Variants in KIF18A observed in about 807,000 individuals in gnomAD.
KIF18A encodes kinesin family member 18A.
A neutral mutation model predicts 103.3 loss-of-function variants in KIF18A; 67 were observed. The observed-to-expected ratio is 0.65, with a 90% CI of 0.53 to 0.79. The LOEUF (loss-of-function observed/expected upper bound fraction) is 0.79, where lower values mean the gene tolerates loss of function less well. KIF18A is among the 30% of genes least tolerant of loss of function. The pLI, the probability that KIF18A is intolerant of heterozygous loss-of-function variation, is 0.00. For synonymous variants in KIF18A, 367 were observed against 355.5 expected (o/e 1.03, Z -0.36); for missense variants, 1,032 against 1,062.5 (o/e 0.97, Z 0.40).
intron 13 of KIF18A, among the ~76,000 whole-genome samples, chr11:28,036,900 A>T (rs889881472): frequency 6.6e-6 from 1 of 151,598 alleles, no homozygotes; most frequent in Non-Finnish European, 1.5e-5. Flanking sequence ...TAATATCAAT[A>T]TTAATTTATA....
At chr11:28,057,478 G>A (rs1176620464) in intron 13 of KIF18A, among the ~76,000 whole-genome samples, 1 of 152,064 alleles carries the variant, frequency 6.6e-6, no homozygotes, top group Non-Finnish European at 1.5e-5. Flanking sequence ...TCGCGCCACT[G>A]CACTCCAGCC....
At chr11:28,082,991 T>A (rs1345467510) in intron 8 of KIF18A, 23 bp from the exon 9 acceptor site, 1 of 1,504,034 alleles carries the variant, frequency 6.6e-7, no homozygotes, top group African/African-American at 1.4e-5. Flanking sequence ...AATCACTAGT[T>A]AAAATACAAA....
At chr11:28,084,568 T>A in intron 7 of KIF18A, 64 bp downstream of exon 7, 1 of 1,314,118 alleles carries the variant, frequency 7.6e-7, no homozygotes, top group Non-Finnish European at 1.1e-6. Context: ...AATACTTTCA[T>A]TACAATTATA....
intron 2 of KIF18A, 108 bp from the exon 3 acceptor site, chr11:28,094,908 A>G: frequency 9.0e-7 from 1 of 1,115,766 alleles, no homozygotes; most frequent in East Asian, 2.4e-5. Flanking sequence ...GTATCTTTAA[A>G]CCCTACAAAT....
intron 10 of KIF18A, among the ~76,000 whole-genome samples, chr11:28,071,258 T>C (rs1851009483): frequency 6.6e-6 from 1 of 152,126 alleles, no homozygotes; most frequent in Non-Finnish European, 1.5e-5. Flanking sequence ...GCACAGTAGT[T>C]TTCTAGAGGC....
At chr11:28,079,987 C>T in intron 9 of KIF18A, among the ~76,000 whole-genome samples, 1 of 152,182 alleles carries the variant, frequency 6.6e-6, no homozygotes, top group South Asian at 2.1e-4. Flanking sequence ...TGGTTTATAT[C>T]ACTGACAGAT....
chr11:28,100,184 G>A (rs1448991123), intron 1 of KIF18A, among the ~76,000 whole-genome samples: 1 of 152,080 alleles, frequency 6.6e-6, no homozygotes, highest in Non-Finnish European at 1.5e-5. Flanking sequence ...GGGAAGTGGT[G>A]GGAGGCAGGG....
rs1213915695 is a variant in KIF18A, at chr11:28,090,747, A to T, written c.589-20T>A. ...TTTGGGCTGGAGAAGTTTAAGTAGA[A>T]GCAAAATTTAAAAATCAGCAATATA... On this transcript the variant is annotated intron_variant, in intron 4 of 16. Coordinates refer to ENST00000263181, the MANE Select transcript of KIF18A (RefSeq NM_031217.4). The T allele has an allele frequency of 8.0e-7, 1 of 1,245,750 alleles. No individual in the cohort carries two copies. The highest frequency in any genetic ancestry group is 1.8e-5 in the Admixed American group (1 of 54,514). 77.2% of individuals were successfully genotyped at this position (1,245,750 alleles called of 1,614,324 possible). A position where few individuals can be genotyped will look rare whatever the true frequency, so the allele number is the denominator to read the frequency against.
intron 15 of KIF18A, among the ~76,000 whole-genome samples, chr11:28,027,332 T>G (rs1360020647): frequency 6.6e-6 from 1 of 151,878 alleles, no homozygotes; most frequent in Non-Finnish European, 1.5e-5. Flanking sequence ...CTCAATATAT[T>G]TAAGATTTTT....
chr11:28,062,366 T>C (rs757698937), intron 12 of KIF18A, 29 bp downstream of exon 12: 5 of 1,559,608 alleles, frequency 3.2e-6, no homozygotes, highest in African/African-American at 2.7e-5. Flanking sequence ...AGTGTTAAAA[T>C]TGGAAAATAG....
intron 11 of KIF18A, among the ~76,000 whole-genome samples, chr11:28,068,754 CT>C (rs750930517): frequency 1.3e-5 from 2 of 152,126 alleles, no homozygotes; most frequent in Non-Finnish European, 2.9e-5. Context: ...ACTTCCAAGA[CT>C]TATTGTTAAG....
chr11:28,094,027 T>C (rs1851335725), intron 3 of KIF18A, among the ~76,000 whole-genome samples: 1 of 152,198 alleles, frequency 6.6e-6, no homozygotes, highest in African/African-American at 2.4e-5. Flanking sequence ...CCTTTTTTGA[T>C]GCAGTAAGAA....
intron 13 of KIF18A, among the ~76,000 whole-genome samples, chr11:28,049,229 T>C (rs1365663043): frequency 6.6e-6 from 1 of 152,080 alleles, no homozygotes; most frequent in African/African-American, 2.4e-5. Context: ...TGGCAATTCA[T>C]GTGGTTTCTT....
intron 11 of KIF18A, among the ~76,000 whole-genome samples, chr11:28,066,782 A>AATTATATTATATTAT (rs11273276): frequency 5.8e-4 from 83 of 142,446 alleles, no homozygotes; most frequent in East Asian, 1.0e-3. Flanking sequence ...CTGGAAGAGA[A>AATTATATTATATTAT]ATTATATTAT....
At chr11:28,052,184 C>T (rs987128911) in intron 13 of KIF18A, among the ~76,000 whole-genome samples, 1 of 152,066 alleles carries the variant, frequency 6.6e-6, no homozygotes, top group African/African-American at 2.4e-5. Context: ...CCTCATGTTT[C>T]AGCCCTTGCC....
At chr11:28,025,427 T>C (rs1430546544) in intron 15 of KIF18A, among the ~76,000 whole-genome samples, 4 of 151,990 alleles carry the variant, frequency 2.6e-5, no homozygotes, top group African/African-American at 9.7e-5. Context: ...TAAAACATTG[T>C]TTTTTCTTAA....
intron 1 of KIF18A, among the ~76,000 whole-genome samples, chr11:28,101,785 A>C (rs1851449045): frequency 6.6e-6 from 1 of 152,182 alleles, no homozygotes; most frequent in Admixed American, 6.5e-5. Context: ...GTGCTTTATA[A>C]GACTATAATG....
chr11:28,103,631 G>C (rs923789006), intron 1 of KIF18A, among the ~76,000 whole-genome samples: 3 of 151,920 alleles, frequency 2.0e-5, no homozygotes, highest in African/African-American at 7.2e-5. Flanking sequence ...CTCTCATAGA[G>C]AGTCTAGTAT....
chr11:28,047,440 A>T, intron 13 of KIF18A, among the ~76,000 whole-genome samples: 1 of 152,142 alleles, frequency 6.6e-6, no homozygotes, highest in East Asian at 1.9e-4. Flanking sequence ...CTGAATCTCT[A>T]CTTTAAAAGA....
Sources: allele counts gnomAD v4.1 joint callset (sites outside exome capture counted in the v4.1 genomes callset), GRCh38; gene constraint gnomAD v4.1.1; transcripts MANE v1.5; gene names NCBI Gene and HGNC (gene_info 2026-07-23, HGNC 2026-07-21).